ZC3H11A: variants seen among roughly 807,000 people sequenced by gnomAD.
The protein encoded by ZC3H11A is zinc finger CCCH-type containing 11A, also known as zinc finger CCCH domain-containing protein 11A.
A neutral mutation model predicts 90.8 loss-of-function variants in ZC3H11A; 22 were observed. The observed-to-expected ratio is 0.24, with a 90% confidence interval of 0.17 to 0.35. The LOEUF is 0.35. Ranked by LOEUF, ZC3H11A falls within the 10% of genes least tolerant of loss-of-function variation. The pLI is 1.00. For synonymous variants in ZC3H11A, 294 were observed against 339.8 expected, an observed-to-expected ratio of 0.87 and a Z score of 1.48; for missense variants, 701 against 964.9, an observed-to-expected ratio of 0.73 and a Z score of 3.62.
chr1:203,834,826 A>G (rs1344446507), intron 10 of ZC3H11A, among the ~76,000 whole-genome samples: 2 of 151,790 alleles, frequency 1.3e-5, no homozygotes, highest in East Asian at 3.9e-4. Flanking sequence ...TATTTTTAGT[A>G]GAGATGGGGT....
intron 2 of ZC3H11A, chr1:203,806,164 A>G (rs1672269908): frequency 8.0e-6 from 4 of 498,780 alleles, no homozygotes; most frequent in South Asian, 6.1e-5. Flanking sequence ...CAATCTAGAA[A>G]TCTTGTCAGT....
At chr1:203,814,385 G>C (rs532417348) in intron 2 of ZC3H11A, among the ~76,000 whole-genome samples, 82 of 152,148 alleles carry the variant, frequency 5.4e-4, no homozygotes, top group Non-Finnish European at 1.1e-3. Flanking sequence ...TTAGCCATAT[G>C]TGGTGGTGCA....
chr1:203,847,273 A>G lies in ZC3H11A; in HGVS notation c.1132A>G (p.Thr378Ala). The G allele has an allele frequency of 6.2e-7, 1 of 1,613,988 alleles. No individual in the cohort carries two copies. The highest frequency in any genetic ancestry group is 8.5e-7 in the Non-Finnish European group (1 of 1,179,878). Residue 378 changes from threonine (T) to alanine (A), a missense_variant, in exon 13 of 18, where the codon ACT (threonine) becomes GCT (alanine). Physicochemically the swap from Thr to Ala is moderately conservative, Grantham distance 58 (BLOSUM62 0). Transcript: ENST00000367210. ...RASQKRGELQ[T>A]KLKTEGPSKT... is the part of the protein sequence containing the mutation. ...CAGTCAGAAACGTGGAGAATTGCAA[A>G]CTAAACTCAAGACAGAAGGACCTTC... is the stretch of plus-strand genomic sequence containing the variant.
intron 1 of ZC3H11A, chr1:203,798,327 G>A (rs758114772): frequency 4.6e-6 from 7 of 1,536,000 alleles, no homozygotes; most frequent in East Asian, 2.4e-5. Flanking sequence ...GACATCTGCC[G>A]TTTGGAATTT....
At chr1:203,819,529 A>ATTTTTTTTTTTTTTTTTTTTTTTTT (rs755259647) in intron 4 of ZC3H11A, among the ~76,000 whole-genome samples, 1 of 72,878 alleles carries the variant, frequency 1.4e-5, no homozygotes, top group East Asian at 3.6e-4. Context: ...GCTGACTCCA[A>ATTTTTTTTTTTTTTTTTTTTTTTTT]TTTTTTTTTT....
At chr1:203,837,084 C>G (rs928147750) in intron 10 of ZC3H11A, among the ~76,000 whole-genome samples, 1 of 151,914 alleles carries the variant, frequency 6.6e-6, no homozygotes, top group African/African-American at 2.4e-5. Context: ...CACCTGAGCT[C>G]AGGAGTTCAA....
At chr1:203,843,890 T>C (rs1042495839) in intron 12 of ZC3H11A, among the ~76,000 whole-genome samples, 5 of 152,098 alleles carry the variant, frequency 3.3e-5, no homozygotes, top group Non-Finnish European at 7.4e-5. Context: ...GGAGTTTCGC[T>C]CTTGTTGCCC....
chr1:203,829,443 G>A lies in ZC3H11A; in HGVS notation c.299-8G>A, dbSNP rs370250008. On this transcript the variant is annotated splice_polypyrimidine_tract_variant and splice_region_variant and intron_variant, in intron 5 of 17. Coordinates refer to ENST00000367210, the MANE Select transcript of ZC3H11A (RefSeq NM_001376342.1). ...GTTTTTAATTTATGACTGATTTTGT[G>A]CGTTTAGCTGTGTTGCCCACTGTGC... 14 of 1,613,840 alleles carry A rather than the reference G, an allele frequency of 8.7e-6. No individual in the cohort carries two copies. In the African/African-American group the frequency reaches 1.9e-4, roughly 22 times the overall value.
chr1:203,836,551 C>T (rs996745477), intron 10 of ZC3H11A, among the ~76,000 whole-genome samples: 2 of 152,116 alleles, frequency 1.3e-5, no homozygotes, highest in East Asian at 1.9e-4. Flanking sequence ...AGTTCGAGAC[C>T]GGCCTGATCA....
chr1:203,848,446 A>C, intron 14 of ZC3H11A, 39 bp downstream of exon 14: 1 of 1,507,316 alleles, frequency 6.6e-7, no homozygotes, highest in Non-Finnish European at 9.1e-7. Flanking sequence ...TTCATGGCAA[A>C]CAAAGGCTAG....
Position 203,849,743 on chromosome 1 carries a change from T to G in ZC3H11A, c.1656T>G (p.Thr552=). The G allele has an allele frequency of 1.2e-6, 2 of 1,613,916 alleles. No individual in the cohort carries two copies. Among genetic ancestry groups the G allele is most frequent in the Non-Finnish European group, 1.7e-6 (2 of 1,179,852 alleles). ...ASGETTGVDI[T]KIQVKRCETM... ...GTGAGACCACAGGAGTTGACATCAC[T>G]AAAATTCAAGTCAAGAGATGTGAGA... Residue 552 remains threonine, a synonymous_variant, in exon 15 of 18, where the codon ACT becomes ACG. Coordinates refer to ENST00000367210, the MANE Select transcript of ZC3H11A (RefSeq NM_001376342.1).
At chr1:203,817,599 C>T (rs899622528) in intron 3 of ZC3H11A, among the ~76,000 whole-genome samples, 1 of 151,978 alleles carries the variant, frequency 6.6e-6, no homozygotes, top group Non-Finnish European at 1.5e-5. Flanking sequence ...TATGCTTTTG[C>T]AGTTTTTTGG....
chr1:203,814,199 C>A (rs556206507), intron 2 of ZC3H11A, among the ~76,000 whole-genome samples: 1 of 152,238 alleles, frequency 6.6e-6, no homozygotes, highest in South Asian at 2.1e-4. Flanking sequence ...CCAACACAAC[C>A]CAATTCTAAG....
chr1:203,836,699 C>A (rs1376654238), intron 10 of ZC3H11A, among the ~76,000 whole-genome samples: 1 of 152,182 alleles, frequency 6.6e-6, no homozygotes, highest in Non-Finnish European at 1.5e-5. Context: ...TCGCTTGAAC[C>A]CGGGAGGTGG....
At chr1:203,797,793 T>A (rs746955025) in intron 1 of ZC3H11A, 1 of 1,536,030 alleles carries the variant, frequency 6.5e-7, no homozygotes, top group South Asian at 1.2e-5. Context: ...GGATTTGGGA[T>A]CTGGGAGGCC....
intron 2 of ZC3H11A, among the ~76,000 whole-genome samples, chr1:203,804,201 G>T (rs1671432937): frequency 6.7e-6 from 1 of 149,612 alleles, no homozygotes; most frequent in East Asian, 2.0e-4. Flanking sequence ...GCCCAGGCTG[G>T]AGTGCAGTGG....
intron 2 of ZC3H11A, chr1:203,805,703 T>TTGCAGG: frequency 1.5e-6 from 1 of 663,666 alleles, no homozygotes. Context: ...CCTTCTGGAA[T>TTGCAGG]TGCAGGTGCA....
intron 9 of ZC3H11A, among the ~76,000 whole-genome samples, chr1:203,832,636 T>C (rs897014328): frequency 6.6e-6 from 1 of 152,176 alleles, no homozygotes; most frequent in Non-Finnish European, 1.5e-5. Context: ...GCTGGGATTA[T>C]AGGTGTTAGC....
chr1:203,817,192 C>T, intron 3 of ZC3H11A, 68 bp downstream of exon 3: 1 of 1,354,424 alleles, frequency 7.4e-7, no homozygotes. Flanking sequence ...AAGATTTTCC[C>T]AACATTTTAA....
Sources: gnomAD v4.1 joint callset for allele counts (sites outside exome capture counted in the v4.1 genomes callset) on GRCh38, gnomAD v4.1.1 for gene constraint, MANE v1.5 for transcripts, NCBI Gene and HGNC (gene_info 2026-07-23, HGNC 2026-07-21) for gene names.